The following NPAS3 variants were observed in gnomAD, a reference collection of about 807,000 sequenced individuals.
NPAS3 encodes the protein neuronal PAS domain protein 3.
Under a neutral mutation model 73.1 loss-of-function variants are expected in NPAS3, and 14 were observed. The observed-to-expected ratio is 0.19, with a 90% CI of 0.13 to 0.30. The LOEUF is 0.30. Ranked by LOEUF, NPAS3 falls within the 10% of genes least tolerant of loss-of-function variation. NPAS3 has a pLI of 1.00. For missense variants in NPAS3, 1,096 were observed against 1,250.0 expected, an observed-to-expected ratio of 0.88 and a Z score of 1.86; for synonymous variants, 620 against 541.5, an observed-to-expected ratio of 1.14 and a Z score of -2.01.
At chr14:33,451,792 C>T (rs1431966131) in intron 4 of NPAS3, among the ~76,000 whole-genome samples, 1 of 152,080 alleles carries the variant, frequency 6.6e-6, no homozygotes, top group Non-Finnish European at 1.5e-5. Flanking sequence ...CTTAAGGCTA[C>T]TCAGAATTAT....
intron 4 of NPAS3, among the ~76,000 whole-genome samples, chr14:33,405,267 G>T (rs913906887): frequency 6.6e-6 from 1 of 151,994 alleles, no homozygotes; most frequent in African/African-American, 2.4e-5. Context: ...TAGAACAGGT[G>T]TTTTAATCCC....
At chr14:33,323,111 T>C (rs928441686) in intron 3 of NPAS3, among the ~76,000 whole-genome samples, 2 of 151,636 alleles carry the variant, frequency 1.3e-5, no homozygotes, top group Non-Finnish European at 2.9e-5. Context: ...CACATATAGG[T>C]ACTCAATAAT....
At chr14:33,498,935 AGTGTGTGTGTGTGTGTGTGTGTGT>A (rs3058422) in intron 4 of NPAS3, among the ~76,000 whole-genome samples, 9 of 94,902 alleles carry the variant, frequency 9.5e-5, no homozygotes, top group Admixed American at 2.1e-4. Flanking sequence ...ACAGAGAGAG[AGTGTGTGTGTGTGTGTGTGTGTGT>A]GTGTGTGTGT....
At chr14:33,087,709 T>G (rs74872109) in intron 2 of NPAS3, among the ~76,000 whole-genome samples, 2,157 of 152,230 alleles carry the variant, frequency 0.014, 45 homozygotes, top group African/African-American at 0.048. Context: ...CACACATAAA[T>G]ATACTCTTCA....
intron 4 of NPAS3, among the ~76,000 whole-genome samples, chr14:33,546,037 C>A (rs982171821): frequency 1.3e-5 from 2 of 152,284 alleles, no homozygotes; most frequent in Non-Finnish European, 2.9e-5. Context: ...CTTCTGGGGG[C>A]TCCTGTTAAG....
At chr14:33,180,615 C>G (rs1271267490) in intron 2 of NPAS3, among the ~76,000 whole-genome samples, 1 of 151,706 alleles carries the variant, frequency 6.6e-6, no homozygotes, top group Non-Finnish European at 1.5e-5. Context: ...CTGGCTAACA[C>G]GGTGAAACCC....
At chr14:33,139,606 A>G (rs986764735) in intron 2 of NPAS3, among the ~76,000 whole-genome samples, 1 of 152,120 alleles carries the variant, frequency 6.6e-6, no homozygotes, top group South Asian at 2.1e-4. Flanking sequence ...CCTCCTGACA[A>G]TTTGTTTCAT....
At chr14:33,498,926 C>CAGAG (rs146814243) in intron 4 of NPAS3, among the ~76,000 whole-genome samples, 38 of 114,304 alleles carry the variant, frequency 3.3e-4, no homozygotes, top group Non-Finnish European at 5.1e-4. Context: ...GAGAGAGAGA[C>CAGAG]AGAGAGAGAG....
chr14:33,126,119 A>G (rs1172222846), intron 2 of NPAS3, among the ~76,000 whole-genome samples: 2 of 152,232 alleles, frequency 1.3e-5, no homozygotes, highest in Non-Finnish European at 2.9e-5. Context: ...TTCAAACTGC[A>G]GTCCTCTCTA....
intron 4 of NPAS3, among the ~76,000 whole-genome samples, chr14:33,503,756 T>C: frequency 6.6e-6 from 1 of 151,942 alleles, no homozygotes; most frequent in East Asian, 1.9e-4. Flanking sequence ...AAGGGAAAGC[T>C]GAAGGAAGAA....
chr14:33,414,371 A>T (rs1279249699), intron 4 of NPAS3, among the ~76,000 whole-genome samples: 1 of 152,138 alleles, frequency 6.6e-6, no homozygotes, highest in Non-Finnish European at 1.5e-5. Context: ...ATTAAGATTA[A>T]GTCATTGGGC....
intron 3 of NPAS3, among the ~76,000 whole-genome samples, chr14:33,238,931 TATACAAGG>T (rs1480635873): frequency 2.0e-5 from 3 of 151,978 alleles, no homozygotes; most frequent in Non-Finnish European, 4.4e-5. Context: ...CTTCTGCAAG[TATACAAGG>T]TACTAAGAGT....
chr14:32,939,238 C>T, upstream of NPAS3: 1 of 567,752 alleles, frequency 1.8e-6, no homozygotes, highest in Non-Finnish European at 3.2e-6. Flanking sequence ...CGCACACGCA[C>T]ACCCCCGCCC....
At chr14:33,256,933 C>T (rs538694582) in intron 3 of NPAS3, among the ~76,000 whole-genome samples, 1 of 152,084 alleles carries the variant, frequency 6.6e-6, no homozygotes, top group Non-Finnish European at 1.5e-5. Context: ...AGAGCAGACC[C>T]CTAGAAGGCA....
At chr14:33,658,813 G>A (rs1467446858) in intron 5 of NPAS3, among the ~76,000 whole-genome samples, 1 of 152,134 alleles carries the variant, frequency 6.6e-6, no homozygotes, top group Non-Finnish European at 1.5e-5. Context: ...CACTAATAGT[G>A]TATTAATAAT....
intron 4 of NPAS3, among the ~76,000 whole-genome samples, chr14:33,506,334 T>C (rs1277926637): frequency 2.0e-5 from 3 of 151,938 alleles, no homozygotes; most frequent in Non-Finnish European, 4.4e-5. Context: ...GGAGGTATCT[T>C]TCCTTAAAGG....
In NPAS3 at chr14:33,281,213, C is replaced by T. The variant is rs534805945; in HGVS notation, c.385+65787C>T. On this transcript the variant is annotated intron_variant, in intron 3 of 11. Coordinates refer to ENST00000356141, the Ensembl canonical transcript of NPAS3. ...AGCAAACAAAGCAAAGACCTTCACT[C>T]GACATCTTGTCATGGGATCTGGAAA... 4.1e-3 allele frequency among the ~76,000 whole-genome samples: 626 copies of T among 152,304 alleles called. 2 individuals carry two copies. The highest frequency in any genetic ancestry group is 6.1e-3 in the Non-Finnish European group (416 of 68,034).
chr14:33,593,323 A>G (rs976551637), intron 5 of NPAS3, among the ~76,000 whole-genome samples: 3 of 152,182 alleles, frequency 2.0e-5, no homozygotes, highest in African/African-American at 7.2e-5. Flanking sequence ...TCCAAAGCCC[A>G]TTTCTTTTGC....
chr14:33,324,176 T>C (rs562898250), intron 3 of NPAS3, among the ~76,000 whole-genome samples: 11 of 152,262 alleles, frequency 7.2e-5, no homozygotes, highest in African/African-American at 2.6e-4. Context: ...CAGTGGAGCA[T>C]TTGCACACTG....
Sources: allele counts gnomAD v4.1 joint callset (sites outside exome capture counted in the v4.1 genomes callset), GRCh38; gene constraint gnomAD v4.1.1; transcripts MANE v1.5; gene names NCBI Gene and HGNC (gene_info 2026-07-23, HGNC 2026-07-21).